MALT1: variants seen among roughly 807,000 people sequenced by gnomAD.
MALT1 encodes the protein MALT1 paracaspase.
MALT1 carries 36 observed loss-of-function variants against 85.5 expected under a neutral mutation model. The ratio of observed to expected loss-of-function variants is 0.42; its 90% CI spans 0.32 to 0.56. The LOEUF (loss-of-function observed/expected upper bound fraction) is 0.56. Ranked by LOEUF, MALT1 falls within the 20% of genes least tolerant of loss-of-function variation. The pLI, the probability that MALT1 is intolerant of heterozygous loss-of-function variation, is 0.10. For missense variants in MALT1, 716 were observed against 981.6 expected (o/e 0.73, Z 3.62); for synonymous variants, 359 against 361.3 (o/e 0.99, Z 0.07).
intron 1 of MALT1, chr18:58,672,532 C>G (rs1353179768): frequency 6.6e-6 from 1 of 151,996 alleles, no homozygotes; most frequent in Non-Finnish European, 1.5e-5. Flanking sequence ...ATTGAGGACC[C>G]CAGAGAGCTC....
At chr18:58,677,425 T>C (rs969131511) in intron 1 of MALT1, among the ~76,000 whole-genome samples, 5 of 152,190 alleles carry the variant, frequency 3.3e-5, no homozygotes, top group African/African-American at 1.2e-4. Flanking sequence ...ATAAAAATTA[T>C]ATTTAGCATA....
intron 15 of MALT1, among the ~76,000 whole-genome samples, chr18:58,745,202 C>G (rs1050439353): frequency 3.3e-5 from 5 of 152,146 alleles, no homozygotes; most frequent in African/African-American, 1.2e-4. Context: ...CTCACTGGAG[C>G]AGCAGAACCC....
intron 2 of MALT1, among the ~76,000 whole-genome samples, chr18:58,692,407 C>CCTCTCTCTCTCTCT (rs35054606): frequency 1.5e-5 from 2 of 130,360 alleles, no homozygotes; most frequent in African/African-American, 6.0e-5. Flanking sequence ...ACTGGCCATT[C>CCTCTCTCTCTCTCT]CTCTCTCTCT....
intron 8 of MALT1, among the ~76,000 whole-genome samples, chr18:58,714,872 A>T (rs1437244166): frequency 2.0e-5 from 3 of 152,026 alleles, no homozygotes; most frequent in Non-Finnish European, 4.4e-5. Flanking sequence ...TTTGTAGAAA[A>T]CCCTATTACT....
At chr18:58,704,920 T>C (rs1239536375) in intron 4 of MALT1, among the ~76,000 whole-genome samples, 4 of 152,174 alleles carry the variant, frequency 2.6e-5, no homozygotes, top group African/African-American at 9.7e-5. Flanking sequence ...TTACATATAA[T>C]GTGATTATGT....
chr18:58,701,873 A>G (rs568711173), intron 4 of MALT1, among the ~76,000 whole-genome samples: 13 of 152,358 alleles, frequency 8.5e-5, no homozygotes, highest in Middle Eastern at 6.8e-3. Flanking sequence ...TTTCGTAAAA[A>G]CAAACACTCA....
intron 7 of MALT1, among the ~76,000 whole-genome samples, chr18:58,713,191 AAAG>A (rs1262411761): frequency 2.0e-5 from 3 of 152,210 alleles, no homozygotes; most frequent in African/African-American, 7.2e-5. Context: ...CTACATTAAA[AAAG>A]TATGAATAGT....
chr18:58,735,609 C>A (rs1416432073), intron 13 of MALT1, among the ~76,000 whole-genome samples: 1 of 151,980 alleles, frequency 6.6e-6, no homozygotes, highest in African/African-American at 2.4e-5. Flanking sequence ...AAGTTGAATT[C>A]TCAGAGCTCT....
In MALT1 at chr18:58,744,495, T is replaced by C; in HGVS notation, c.1911T>C (p.Leu637=). The change falls in exon 15 of 17, where the codon CTT becomes CTC. Residue 637 remains leucine, a splice_region_variant and synonymous_variant. Transcript: ENST00000649217. ...MCDAYVTDFP[L]DLDIDPKDAN... ...ATGCCTACGTTACTGATTTTCCACT[T>C]GTGAGTCTCTTCTTTTATTTAAAAT... The C allele has an allele frequency of 6.3e-7, 1 of 1,592,840 alleles. No homozygotes were observed. The highest frequency in any genetic ancestry group is 8.6e-7 in the Non-Finnish European group (1 of 1,168,724).
At chr18:58,698,075 G>GTTT (rs1315560558) in intron 3 of MALT1, among the ~76,000 whole-genome samples, 38 of 92,854 alleles carry the variant, frequency 4.1e-4, no homozygotes, top group African/African-American at 1.0e-3. Context: ...TTGTTTTTTT[G>GTTT]TTTTTTTTTT....
In MALT1 at chr18:58,752,642, A is replaced by T. The variant is rs2055462246; in HGVS notation, c.*4800A>T. 1 of 151,688 alleles carries T rather than the reference A, an allele frequency of 6.6e-6. No homozygotes were observed. The highest frequency in any genetic ancestry group is 6.6e-5 in the Admixed American group (1 of 15,214). The allele number at this position is 151,688 out of a possible 1,614,324, so 9.4% of individuals were successfully genotyped here. A position where few individuals can be genotyped will look rare whatever the true frequency, so the allele number is the denominator to read the frequency against. ...AAAAAAAAAAAAAAAAAAAAAGCAA[A>T]AACAAAAATTAACTGGGCATAGTTG... On this transcript the variant is annotated 3_prime_UTR_variant, in exon 17 of 17. Transcript: ENST00000649217.
At chr18:58,719,308 T>TCTCC (rs1400943144) in intron 9 of MALT1, among the ~76,000 whole-genome samples, 1 of 146,668 alleles carries the variant, frequency 6.8e-6, no homozygotes, top group African/African-American at 2.7e-5. Context: ...ACTGAAAAAA[T>TCTCC]CTCCCTCCCT....
At chr18:58,693,269 A>C (rs1407502912) in intron 2 of MALT1, among the ~76,000 whole-genome samples, 1 of 152,218 alleles carries the variant, frequency 6.6e-6, no homozygotes, top group South Asian at 2.1e-4. Context: ...AAAAATACAA[A>C]AAATTAGCCA....
At chr18:58,687,556 T>C (rs550114964) in intron 2 of MALT1, among the ~76,000 whole-genome samples, 1 of 152,224 alleles carries the variant, frequency 6.6e-6, no homozygotes, top group African/African-American at 2.4e-5. Context: ...TCTTCTGTGA[T>C]AGCATAGAAG....
intron 9 of MALT1, 123 bp from the exon 10 acceptor site, chr18:58,722,920 TAATGA>T: frequency 3.1e-6 from 2 of 642,460 alleles, no homozygotes; most frequent in South Asian, 2.1e-5. Context: ...TGAAATTAAA[TAATGA>T]AATCTTATTT....
At chr18:58,734,264 CTT>C in intron 11 of MALT1, 41 bp from the exon 12 acceptor site, 2 of 1,380,540 alleles carry the variant, frequency 1.4e-6, no homozygotes, top group Non-Finnish European at 2.1e-6. Flanking sequence ...TGCTCTTTAA[CTT>C]TTCATATTTC....
At chr18:58,682,766 AG>A (rs2054340978) in intron 2 of MALT1, among the ~76,000 whole-genome samples, 1 of 152,228 alleles carries the variant, frequency 6.6e-6, no homozygotes, top group Non-Finnish European at 1.5e-5. Context: ...GTAACCAAAA[AG>A]TTTACTACAA....
Position 58,749,156 on chromosome 18 carries a change from A to AATT in MALT1, c.*1317_*1319dup, listed in dbSNP as rs1334197351. ...ACAGTCAGTTCTCATTATTCACAGT[A>AATT]ATTATGTTCTACAGAATATTCTCCC... On this transcript the variant is annotated 3_prime_UTR_variant, in exon 17 of 17. Transcript: ENST00000649217. 4.6e-6 allele frequency: 1 copy of AATT among 218,028 alleles called. No homozygotes were observed. Among genetic ancestry groups the AATT allele is most frequent in the Non-Finnish European group, 9.2e-6 (1 of 108,630 alleles). The allele number at this position is 218,028 out of a possible 1,614,324, so 13.5% of individuals were successfully genotyped here.
chr18:58,702,222 A>C, intron 4 of MALT1, among the ~76,000 whole-genome samples: 1 of 115,896 alleles, frequency 8.6e-6, no homozygotes, highest in Non-Finnish European at 1.7e-5. Flanking sequence ...AAAAAATGCA[A>C]AAAAAAAAAA....
Sources: allele counts gnomAD v4.1 joint callset (sites outside exome capture counted in the v4.1 genomes callset), GRCh38; gene constraint gnomAD v4.1.1; transcripts MANE v1.5; gene names NCBI Gene and HGNC (gene_info 2026-07-23, HGNC 2026-07-21).